Variants in KIFC1 observed in about 807,000 individuals in gnomAD.
KIFC1 encodes the protein kinesin-like protein KIFC1.
In KIFC1, 37 loss-of-function variants were observed where a neutral mutation model predicts 66.6. The observed-to-expected ratio is 0.56, with a 90% CI of 0.43 to 0.73. KIFC1 has a LOEUF of 0.73. Ranked by LOEUF, KIFC1 falls within the 30% of genes least tolerant of loss-of-function variation. The probability of loss-of-function intolerance (pLI) is 0.00; values close to 1 mark genes in which losing one functional copy is unlikely to be tolerated. For synonymous variants in KIFC1, 325 were observed against 343.5 expected (o/e 0.95, Z 0.60); for missense variants, 721 against 859.8 (o/e 0.84, Z 2.02).
In KIFC1 at chr6:33,400,062, A is replaced by C. The variant is rs1775297671; in HGVS notation, c.250+1675A>C. On this transcript the variant is annotated intron_variant, in intron 3 of 10. Coordinates refer to ENST00000428849, the MANE Select transcript of KIFC1 (RefSeq NM_002263.4). The surrounding 1 kb of genome is among the most constrained non-coding windows in gnomAD (Gnocchi z 4.3). ...ATTGAAATATTTTCCTTTGTGCTTAACTAGCTGGGCATTCCACAGCACCAC... is the reference window on the plus strand; with the variant it reads ...ATTGAAATATTTTCCTTTGTGCTTACCTAGCTGGGCATTCCACAGCACCAC... The C allele has an allele frequency of 1.4e-6, 1 of 718,496 alleles. No individual in the cohort carries two copies. The highest frequency in any genetic ancestry group is 2.5e-6 in the Non-Finnish European group (1 of 397,558). 44.5% of individuals were successfully genotyped at this position (718,496 alleles called of 1,614,324 possible). A position where few individuals can be genotyped will look rare whatever the true frequency, so the allele number is the denominator to read the frequency against.
At chr6:33,393,147 C>G (rs956645224) in intron 1 of KIFC1, among the ~76,000 whole-genome samples, 9 of 152,072 alleles carry the variant, frequency 5.9e-5, no homozygotes, top group South Asian at 4.2e-4. Flanking sequence ...GGGAGACAGA[C>G]AAGCAGATAG....
intron 3 of KIFC1, among the ~76,000 whole-genome samples, chr6:33,402,730 CA>C (rs538332808): frequency 4.7e-5 from 6 of 126,696 alleles, no homozygotes; most frequent in African/African-American, 9.1e-5. Context: ...AACTCCATCT[CA>C]AAAAAAAAAC....
rs1416254259 is a variant in KIFC1 at position 33,400,386 on chromosome 6, C to A, written c.250+1999C>A. 6.3e-7 allele frequency: 1 copy of A among 1,598,842 alleles called. No homozygotes were observed. The highest frequency in any genetic ancestry group is 2.2e-5 in the East Asian group (1 of 44,780). Reference sequence around the variant, plus strand: ...TCTCAATGGTCAGTTTCACTGTAATCCTCAGGCCCTTCCAGTCACCCGTTG... The same window carrying A: ...TCTCAATGGTCAGTTTCACTGTAATACTCAGGCCCTTCCAGTCACCCGTTG... On this transcript the variant is annotated intron_variant, in intron 3 of 10. Coordinates refer to ENST00000428849, the MANE Select transcript of KIFC1 (RefSeq NM_002263.4). This position sits in a 1 kb window ranked among gnomAD's most constrained non-coding sequence, Gnocchi z 4.3.
At position 33,406,763 on chromosome 6, in the gene KIFC1, C is replaced by T; in HGVS notation, c.1902-37C>T. 3.7e-6 allele frequency: 6 copies of T among 1,613,318 alleles called. No homozygotes were observed. The highest frequency in any genetic ancestry group is 4.2e-6 in the Non-Finnish European group (5 of 1,179,326). On this transcript the variant is annotated intron_variant, in intron 9 of 10. Transcript: ENST00000428849. This position sits in a 1 kb window ranked among gnomAD's most constrained non-coding sequence, Gnocchi z 4.5. ...GGAGACCTGTCCAGGCTCTGCTGGCCCCTAATGCTGGGGTTGGGCACATTG... is the reference window on the plus strand; with the variant it reads ...GGAGACCTGTCCAGGCTCTGCTGGCTCCTAATGCTGGGGTTGGGCACATTG...
rs954169870 is a variant in KIFC1, at chr6:33,409,857, GT to G, written c.*177del. 557 of 601,234 alleles carry G rather than the reference GT, an allele frequency of 9.3e-4. No homozygotes were observed. The highest frequency in any genetic ancestry group is 1.5e-3 in the South Asian group (66 of 43,650). The allele number at this position is 601,234 out of a possible 1,614,324, so 37.2% of individuals were successfully genotyped here. A position where few individuals can be genotyped will look rare whatever the true frequency, so the allele number is the denominator to read the frequency against. On this transcript the variant is annotated 3_prime_UTR_variant, in exon 11 of 11. Coordinates refer to ENST00000428849, the MANE Select transcript of KIFC1 (RefSeq NM_002263.4). ...GGGCTATCAAATAAAGAATAGTTTG[GT>G]TTTTTTTTTAAATAAAGGTTTTATT...
In KIFC1 at chr6:33,401,204, G is replaced by A. The variant is rs1187489771; in HGVS notation, c.251-2110G>A. Among the ~76,000 whole-genome samples the A allele has an allele frequency of 6.6e-6, 1 of 151,908 alleles. No homozygotes were observed. Among genetic ancestry groups the A allele is most frequent in the South Asian group, 2.1e-4 (1 of 4,814 alleles). On this transcript the variant is annotated intron_variant, in intron 3 of 10. Coordinates refer to ENST00000428849, the MANE Select transcript of KIFC1 (RefSeq NM_002263.4). The surrounding 1 kb of genome is among the most constrained non-coding windows in gnomAD (Gnocchi z 4.5). ...GGCTGGAGTGCAATGGCGTGATCTC[G>A]GCTCAGTGTAACCTCCGCCTCCTGG...
rs1562838700 is a variant in KIFC1 at position 33,405,919 on chromosome 6, AC to A, written c.1537-275del. On this transcript the variant is annotated intron_variant, in intron 7 of 10. Transcript: ENST00000428849. The surrounding 1 kb of genome is among the most constrained non-coding windows in gnomAD (Gnocchi z 5.4). Reference sequence around the variant, plus strand: ...ATGCTGGCCTCCTGGCTGTTCCTCAACCAGCTAGTCGTGCTCCCCATCTCAG... The same window carrying A: ...ATGCTGGCCTCCTGGCTGTTCCTCAACAGCTAGTCGTGCTCCCCATCTCAG... Among the ~76,000 whole-genome samples the A allele has an allele frequency of 6.6e-6, 1 of 152,104 alleles. No homozygotes were observed. Among genetic ancestry groups the A allele is most frequent in the African/African-American group, 2.4e-5 (1 of 41,398 alleles).
Position 33,391,937 on chromosome 6 carries a change from C to A in KIFC1, c.-49C>A, listed in dbSNP as rs372226649. On this transcript the variant is annotated 5_prime_UTR_variant, in exon 1 of 11. Coordinates refer to ENST00000428849, the MANE Select transcript of KIFC1 (RefSeq NM_002263.4). Reference sequence around the variant, plus strand: ...CGCGAGTCCCAGGATCCCCGGCACCCAGTTCTCTTCCACTGCATTCCCCCG... The same window carrying A: ...CGCGAGTCCCAGGATCCCCGGCACCAAGTTCTCTTCCACTGCATTCCCCCG... The A allele has an allele frequency of 1.2e-6, 2 of 1,612,472 alleles. No individual in the cohort carries two copies. The highest frequency in any genetic ancestry group is 1.7e-4 in the Middle Eastern group (1 of 6,060).
intron 1 of KIFC1, among the ~76,000 whole-genome samples, chr6:33,396,738 G>A (rs756999633): frequency 2.0e-5 from 3 of 151,022 alleles, no homozygotes; most frequent in Non-Finnish European, 4.4e-5. Flanking sequence ...CTGGAGTGCA[G>A]TGGCACAATC....
chr6:33,406,711 G>C lies in KIFC1; in HGVS notation c.1901+46G>C. On this transcript the variant is annotated intron_variant, in intron 9 of 10. Transcript: ENST00000428849. This position sits in a 1 kb window ranked among gnomAD's most constrained non-coding sequence, Gnocchi z 4.5. ...GAAGGGGTCAGGTAGGAACTGTGTTGGGGTGAGGGGTAGAAAGGGGAACAG... is the reference window on the plus strand; with the variant it reads ...GAAGGGGTCAGGTAGGAACTGTGTTCGGGTGAGGGGTAGAAAGGGGAACAG... 1.2e-6 allele frequency: 2 copies of C among 1,611,856 alleles called. No individual in the cohort carries two copies. The highest frequency in any genetic ancestry group is 1.7e-6 in the Non-Finnish European group (2 of 1,177,952).
chr6:33,394,733 C>T (rs923096671), intron 1 of KIFC1, among the ~76,000 whole-genome samples: 4 of 152,230 alleles, frequency 2.6e-5, no homozygotes, highest in Admixed American at 6.5e-5. Context: ...CCGCCCGCCT[C>T]GGCCTCCCAA....
In KIFC1 at chr6:33,404,237, C is replaced by A; in HGVS notation, c.756+108C>A. ...GTCTGGGCTGAGAACTCCTGAGCAC[C>A]TATCTTTAGCAGTATAGGTGCTGCT... On this transcript the variant is annotated intron_variant, in intron 6 of 10. Transcript: ENST00000428849. This position sits in a 1 kb window ranked among gnomAD's most constrained non-coding sequence, Gnocchi z 4.0. 1.9e-6 allele frequency: 2 copies of A among 1,062,944 alleles called. No individual in the cohort carries two copies. The highest frequency in any genetic ancestry group is 2.7e-6 in the Non-Finnish European group (2 of 739,544). The allele number at this position is 1,062,944 out of a possible 1,614,324, so 65.8% of individuals were successfully genotyped here. A position where few individuals can be genotyped will look rare whatever the true frequency, so the allele number is the denominator to read the frequency against.
chr6:33,391,819 C>A, upstream of KIFC1: 1 of 791,336 alleles, frequency 1.3e-6, no homozygotes, highest in South Asian at 1.5e-5. Context: ...GGGTGGTGGC[C>A]GTTGGAATTC....
rs62407903 is a variant in KIFC1 at position 33,404,280 on chromosome 6, G to C, written c.756+151G>C. On this transcript the variant is annotated intron_variant, in intron 6 of 10. Coordinates refer to ENST00000428849, the MANE Select transcript of KIFC1 (RefSeq NM_002263.4). This position sits in a 1 kb window ranked among gnomAD's most constrained non-coding sequence, Gnocchi z 4.0. ...GTGCTGCTGAAGATACCTCTCTCTT[G>C]ACCTGTCTGCACCCCAGCCCACTCC... The C allele has an allele frequency of 0.35, 250,713 of 714,750 alleles. 47,335 individuals are homozygous for C. The highest frequency in any genetic ancestry group is 0.39 in the South Asian group (20,381 of 52,592). 44.3% of individuals were successfully genotyped at this position (714,750 alleles called of 1,614,324 possible).
At chr6:33,402,591 G>A (rs1473143688) in intron 3 of KIFC1, among the ~76,000 whole-genome samples, 1 of 151,916 alleles carries the variant, frequency 6.6e-6, no homozygotes, top group Non-Finnish European at 1.5e-5. Flanking sequence ...TTAGCCAGGC[G>A]TGGTGGCGCT....
At chr6:33,393,748 ATT>A (rs35719649) in intron 1 of KIFC1, among the ~76,000 whole-genome samples, 6 of 115,734 alleles carry the variant, frequency 5.2e-5, no homozygotes, top group African/African-American at 6.8e-5. Context: ...GCCCTGCAAC[ATT>A]TTTTTTTTTT....
intron 1 of KIFC1, among the ~76,000 whole-genome samples, chr6:33,392,638 G>A (rs938804035): frequency 6.6e-6 from 1 of 152,042 alleles, no homozygotes; most frequent in African/African-American, 2.4e-5. Flanking sequence ...GAAGAGAGAT[G>A]AATGTGTGTG....
At position 33,404,270 on chromosome 6, in the gene KIFC1, C is replaced by T; in HGVS notation, c.756+141C>T. The T allele has an allele frequency of 2.7e-6, 2 of 748,234 alleles. No individual in the cohort carries two copies. The highest frequency in any genetic ancestry group is 2.1e-6 in the Non-Finnish European group (1 of 476,440). 46.3% of individuals were successfully genotyped at this position (748,234 alleles called of 1,614,324 possible). A position where few individuals can be genotyped will look rare whatever the true frequency, so the allele number is the denominator to read the frequency against. ...AGCAGTATAGGTGCTGCTGAAGATA[C>T]CTCTCTCTTGACCTGTCTGCACCCC... is the stretch of plus-strand genomic sequence containing the variant. On this transcript the variant is annotated intron_variant, in intron 6 of 10. Coordinates refer to ENST00000428849, the MANE Select transcript of KIFC1 (RefSeq NM_002263.4). This position sits in a 1 kb window ranked among gnomAD's most constrained non-coding sequence, Gnocchi z 4.0.
In KIFC1 at chr6:33,398,343, T is replaced by A. The variant is rs1008315261; in HGVS notation, c.206T>A (p.Val69Asp). The A allele has an allele frequency of 1.2e-6, 2 of 1,613,830 alleles. No individual in the cohort carries two copies. Among genetic ancestry groups the A allele is most frequent in the Admixed American group, 3.3e-5 (2 of 59,988 alleles). ...TTKITTSHPR[V>D]PSLTTVPQTQ... Reference sequence around the variant, plus strand: ...AAAATTACCACATCCCACCCAAGAGTTCCATCCCTCACTACAGTGCCACAG... The same window carrying A: ...AAAATTACCACATCCCACCCAAGAGATCCATCCCTCACTACAGTGCCACAG... The change falls in exon 3 of 11, where the codon GTT becomes GAT. Residue 69 changes from valine (V) to aspartate (D), a missense_variant. Coordinates refer to ENST00000428849, the MANE Select transcript of KIFC1 (RefSeq NM_002263.4).
Sources: gnomAD v4.1 joint callset for allele counts (sites outside exome capture counted in the v4.1 genomes callset) on GRCh38, gnomAD v4.1.1 for gene constraint, Gnocchi (gnomAD v3.1) non-coding constraint, MANE v1.5 for transcripts, NCBI Gene and HGNC (gene_info 2026-07-23, HGNC 2026-07-21) for gene names.